Variants in TMEFF1 observed in about 807,000 individuals in gnomAD.
TMEFF1 encodes transmembrane protein with EGF like and two follistatin like domains 1, also known as tomoregulin-1.
TMEFF1 carries 20 observed loss-of-function variants against 47.5 expected under a neutral mutation model. The ratio of observed to expected loss-of-function variants is 0.42; its 90% CI spans 0.30 to 0.61. The LOEUF (loss-of-function observed/expected upper bound fraction) is 0.61, where lower values mean the gene tolerates loss of function less well. TMEFF1 is among the 20% of genes least tolerant of loss of function. The pLI is 0.19. For missense variants in TMEFF1, 411 were observed against 471.1 expected (o/e 0.87, Z 1.18); for synonymous variants, 162 against 166.3 (o/e 0.97, Z 0.20).
chr9:100,559,681 CT>C (rs1310196273), intron 7 of TMEFF1, among the ~76,000 whole-genome samples: 3 of 152,014 alleles, frequency 2.0e-5, no homozygotes, highest in Non-Finnish European at 4.4e-5. Flanking sequence ...ACATATGTGT[CT>C]TGTACTATAC....
chr9:100,532,947 A>G (rs1838420434), intron 5 of TMEFF1, among the ~76,000 whole-genome samples: 1 of 152,040 alleles, frequency 6.6e-6, no homozygotes, highest in Admixed American at 6.5e-5. Flanking sequence ...AGGGACATGG[A>G]TGAAATTGGA....
Position 100,473,693 on chromosome 9 carries a change from G to A in TMEFF1, c.149G>A (p.Ser50Asn). 1.3e-6 allele frequency: 2 copies of A among 1,535,420 alleles called. No homozygotes were observed. Among genetic ancestry groups the A allele is most frequent in the East Asian group, 5.0e-5 (2 of 39,700 alleles). The change falls in exon 1 of 10, where the codon AGC (serine) becomes AAC (asparagine). Residue 50 changes from serine (S) to asparagine (N), a missense_variant. Transcript: ENST00000374879. This position sits in a 1 kb window ranked among gnomAD's most constrained non-coding sequence, Gnocchi z 5.4. ...CAGCCCCCGGGTGGTGGCGGCGGCA[G>A]CGGCGGGGACTGTCCCGGCGGCAAA... ...SNQPPGGGGG[S>N]GGDCPGGKGK...
At chr9:100,556,550 C>T (rs1838918397) in intron 7 of TMEFF1, among the ~76,000 whole-genome samples, 2 of 152,088 alleles carry the variant, frequency 1.3e-5, no homozygotes, top group Admixed American at 6.6e-5. Flanking sequence ...GGGAAGTCTA[C>T]ACCAAGTTGA....
intron 1 of TMEFF1, among the ~76,000 whole-genome samples, chr9:100,477,814 A>G (rs1564260422): frequency 6.6e-6 from 1 of 151,704 alleles, no homozygotes; most frequent in Non-Finnish European, 1.5e-5. Flanking sequence ...TTTAGTAGAT[A>G]TGGGGTTTCA....
chr9:100,528,278 C>A (rs949099348), intron 5 of TMEFF1, among the ~76,000 whole-genome samples: 1 of 150,390 alleles, frequency 6.6e-6, no homozygotes, highest in Admixed American at 6.6e-5. Flanking sequence ...AGGCTTCAGA[C>A]GATCAAATTA....
chr9:100,498,848 G>T lies in TMEFF1; in HGVS notation c.280G>T (p.Gly94Cys). Reference sequence around the variant, plus strand: ...AGGAGTCTGTAAAGAAGATGGAGATGGTTTGAAATGTGCATGCCAATTTCA... The same window carrying T: ...AGGAGTCTGTAAAGAAGATGGAGATTGTTTGAAATGTGCATGCCAATTTCA... ...YGGVCKEDGD[G>C]LKCACQFQCH... Residue 94 changes from glycine to cysteine, a missense_variant, in exon 2 of 10, where the codon GGT (glycine) becomes TGT (cysteine). Coordinates refer to ENST00000374879, the MANE Select transcript of TMEFF1 (RefSeq NM_003692.5). 1 of 1,613,616 alleles carries T rather than the reference G, an allele frequency of 6.2e-7. No individual in the cohort carries two copies. Among genetic ancestry groups the T allele is most frequent in the East Asian group, 2.2e-5 (1 of 44,852 alleles).
chr9:100,518,200 C>T (rs970579436), intron 5 of TMEFF1, among the ~76,000 whole-genome samples: 1 of 152,134 alleles, frequency 6.6e-6, no homozygotes, highest in Non-Finnish European at 1.5e-5. Flanking sequence ...GGTGCAATGG[C>T]TCATGTCTGT....
intron 5 of TMEFF1, among the ~76,000 whole-genome samples, chr9:100,537,773 C>T (rs183472787): frequency 1.3e-5 from 2 of 152,274 alleles, no homozygotes. Context: ...CATTTGTCTG[C>T]GCCCCTCCCT....
chr9:100,481,480 A>G (rs1158807767), intron 1 of TMEFF1, among the ~76,000 whole-genome samples: 3 of 152,248 alleles, frequency 2.0e-5, no homozygotes, highest in Admixed American at 6.5e-5. Flanking sequence ...AAGGTGGAAA[A>G]GAGAAGGGAG....
chr9:100,490,836 G>GGTGTGTGTGT (rs10654628), intron 1 of TMEFF1, among the ~76,000 whole-genome samples: 173 of 135,956 alleles, frequency 1.3e-3, no homozygotes, highest in Middle Eastern at 7.4e-3. Flanking sequence ...TTATATGTAT[G>GGTGTGTGTGT]GTGTGTGTGT....
At chr9:100,538,623 T>C (rs996041882) in intron 5 of TMEFF1, among the ~76,000 whole-genome samples, 11 of 152,240 alleles carry the variant, frequency 7.2e-5, no homozygotes, top group Non-Finnish European at 1.6e-4. Flanking sequence ...TGATCTATAA[T>C]CTGGCTTTTG....
In TMEFF1 at chr9:100,561,530, C is replaced by T. The variant is rs201880640; in HGVS notation, c.899+10C>T. 1.4e-4 allele frequency: 226 copies of T among 1,608,400 alleles called. 1 individual carries two copies. The highest frequency in any genetic ancestry group is 1.7e-4 in the Non-Finnish European group (195 of 1,177,790). On this transcript the variant is annotated intron_variant, in intron 8 of 9. Coordinates refer to ENST00000374879, the MANE Select transcript of TMEFF1 (RefSeq NM_003692.5). ...AGAAGGCTTCTTGTAGGTAAGTCAG[C>T]GCTTCCAGATCAGTGGTGAGCATTT... is the stretch of plus-strand genomic sequence containing the variant.
chr9:100,515,467 C>T (rs1354092640), intron 4 of TMEFF1, among the ~76,000 whole-genome samples: 1 of 151,996 alleles, frequency 6.6e-6, no homozygotes, highest in African/African-American at 2.4e-5. Flanking sequence ...GATTTGTGTA[C>T]CTTTTTTAAC....
intron 1 of TMEFF1, among the ~76,000 whole-genome samples, chr9:100,497,092 A>G (rs1264742789): frequency 6.6e-6 from 1 of 152,120 alleles, no homozygotes; most frequent in Admixed American, 6.6e-5. Flanking sequence ...AGATAGGGGG[A>G]AAATCCCTAT....
In TMEFF1 at chr9:100,550,136, C is replaced by G. The variant is rs781122115; in HGVS notation, c.751C>G (p.Leu251Val). 8.7e-6 allele frequency: 14 copies of G among 1,612,090 alleles called. No individual in the cohort carries two copies. Among genetic ancestry groups the G allele is most frequent in the Non-Finnish European group, 1.2e-5 (14 of 1,179,286 alleles). ...TSLLGKKDDG[L>V]QYRPDVKDAS... ...TTTGTTGGGAAAGAAAGATGATGGA[C>G]TACAATATCGACCAGATGTGAAAGG... is the stretch of plus-strand genomic sequence containing the variant. Residue 251 changes from leucine to valine, a missense_variant, in exon 7 of 10, where the codon CTA (leucine) becomes GTA (valine). Physicochemically the swap from Leu to Val is conservative, Grantham distance 32. Coordinates refer to ENST00000374879, the MANE Select transcript of TMEFF1 (RefSeq NM_003692.5).
chr9:100,559,084 G>A (rs1160268163), intron 7 of TMEFF1, among the ~76,000 whole-genome samples: 1 of 152,020 alleles, frequency 6.6e-6, no homozygotes, highest in South Asian at 2.1e-4. Context: ...TAAATGTTAG[G>A]AGTTATACAG....
At position 100,480,253 on chromosome 9, in the gene TMEFF1, C is replaced by G. The variant is rs533367031; in HGVS notation, c.196+6513C>G. On this transcript the variant is annotated intron_variant, in intron 1 of 9. Transcript: ENST00000374879. ...CATTCCCTTAGTAAATCATACTAAT[C>G]AGTTCCCACAGCAAGCACAGAGATG... Among the ~76,000 whole-genome samples, 4 of 152,256 alleles carry G rather than the reference C, an allele frequency of 2.6e-5. 1 individual carries two copies. The South Asian group carries it at 6.2e-4, about 24-fold the overall frequency.
intron 5 of TMEFF1, 116 bp downstream of exon 5, chr9:100,516,887 T>G (rs1288710998): frequency 2.3e-6 from 3 of 1,332,924 alleles, no homozygotes; most frequent in Non-Finnish European, 3.0e-6. Context: ...TTCAAATTTT[T>G]TTTTTGTTTA....
At chr9:100,558,977 C>G (rs1838966013) in intron 7 of TMEFF1, among the ~76,000 whole-genome samples, 1 of 152,126 alleles carries the variant, frequency 6.6e-6, no homozygotes, top group African/African-American at 2.4e-5. Flanking sequence ...AAGTAACTGC[C>G]TTTGGGTCAC....
Sources: allele counts gnomAD v4.1 joint callset (sites outside exome capture counted in the v4.1 genomes callset), GRCh38; gene constraint gnomAD v4.1.1; non-coding constraint Gnocchi (gnomAD v3.1); transcripts MANE v1.5; gene names NCBI Gene and HGNC (gene_info 2026-07-23, HGNC 2026-07-21).